GNAI3: variants seen among roughly 807,000 people sequenced by gnomAD.
GNAI3 encodes G protein subunit alpha i3, also known as guanine nucleotide-binding protein G(i) subunit alpha-3.
A neutral mutation model predicts 41.8 loss-of-function variants in GNAI3; 12 were observed. The ratio of observed to expected loss-of-function variants is 0.29; its 90% confidence interval spans 0.18 to 0.47. The LOEUF (loss-of-function observed/expected upper bound fraction) is 0.47. GNAI3 is among the 20% of genes least tolerant of loss of function. The pLI, the probability that GNAI3 is intolerant of heterozygous loss-of-function variation, is 1.00. For missense variants in GNAI3, 360 were observed against 429.6 expected (o/e 0.84, Z 1.43); for synonymous variants, 132 against 146.5 (o/e 0.90, Z 0.71).
intron 1 of GNAI3, among the ~76,000 whole-genome samples, chr1:109,572,182 C>A (rs373933793): frequency 6.7e-6 from 1 of 148,350 alleles, no homozygotes; most frequent in African/African-American, 2.5e-5. Context: ...TTGTGGCAGG[C>A]GCCTGTAATC....
At chr1:109,550,754 C>T (rs1647963616) in intron 1 of GNAI3, among the ~76,000 whole-genome samples, 2 of 152,200 alleles carry the variant, frequency 1.3e-5, no homozygotes, top group Non-Finnish European at 2.9e-5. Context: ...AGGATGGTCT[C>T]AATCTCCTGA....
chr1:109,595,209 C>G lies in GNAI3; in HGVS notation c.*2887C>G, dbSNP rs1295639463. On this transcript the variant is annotated 3_prime_UTR_variant, in exon 9 of 9. Coordinates refer to ENST00000369851, the MANE Select transcript of GNAI3 (RefSeq NM_006496.4). ...TTGGACCATCAAAGAAGCCATTAGT[C>G]TCTGTGTAAAGAAGAAGTATTCTTA... 2 of 152,280 alleles carry G rather than the reference C, an allele frequency of 1.3e-5. No individual in the cohort carries two copies. The highest frequency in any genetic ancestry group is 3.9e-4 in the East Asian group (2 of 5,184). The allele number at this position is 152,280 out of a possible 1,614,324, so 9.4% of individuals were successfully genotyped here.
intron 1 of GNAI3, among the ~76,000 whole-genome samples, chr1:109,552,495 A>G (rs544301297): frequency 6.6e-6 from 1 of 152,136 alleles, no homozygotes; most frequent in Admixed American, 6.5e-5. Flanking sequence ...GCTGGTCTCA[A>G]ATGCTTGGCC....
intron 7 of GNAI3, among the ~76,000 whole-genome samples, chr1:109,589,583 G>A (rs916960943): frequency 3.3e-5 from 5 of 152,000 alleles, no homozygotes; most frequent in Non-Finnish European, 7.4e-5. Context: ...AAGCAGGTGG[G>A]AAAAAAGGAA....
rs1649045679 is a variant in GNAI3 at position 109,586,929 on chromosome 1, A to G, written c.874+47A>G. 4.6e-6 allele frequency: 6 copies of G among 1,297,718 alleles called. No homozygotes were observed. In the South Asian group the frequency reaches 7.6e-5, roughly 16 times the overall value. 80.4% of individuals were successfully genotyped at this position (1,297,718 alleles called of 1,614,324 possible). ...TATTGGAGGTACACATCTTACTTAG[A>G]TCAACACTTTGGTGGCATTCATAAA... On this transcript the variant is annotated intron_variant, in intron 7 of 8. Transcript: ENST00000369851.
chr1:109,561,981 G>A (rs577446395), intron 1 of GNAI3, among the ~76,000 whole-genome samples: 2 of 152,240 alleles, frequency 1.3e-5, no homozygotes, highest in South Asian at 4.1e-4. Flanking sequence ...TGAAATGAAG[G>A]GTTGGTACAG....
At chr1:109,554,079 G>GGTGTGT (rs34209492) in intron 1 of GNAI3, among the ~76,000 whole-genome samples, 7 of 150,182 alleles carry the variant, frequency 4.7e-5, no homozygotes, top group Non-Finnish European at 8.9e-5. Context: ...GGTGTAGAGG[G>GGTGTGT]GTGTGTGTGT....
At chr1:109,550,066 G>C (rs1160838413) in intron 1 of GNAI3, among the ~76,000 whole-genome samples, 2 of 152,112 alleles carry the variant, frequency 1.3e-5, no homozygotes, top group Non-Finnish European at 2.9e-5. Context: ...ACCCTTACAA[G>C]CAATAGAAAT....
Position 109,598,977 on chromosome 1 carries a change from T to C in GNAI3, c.*6655T>C, listed in dbSNP as rs776318467. On this transcript the variant is annotated 3_prime_UTR_variant, in exon 9 of 9. Transcript: ENST00000369851. Reference sequence around the variant, plus strand: ...TCCACCCAGCATGGCCGGCACACTTTGGTCTACGGCACATCTCCAAGTATA... The same window carrying C: ...TCCACCCAGCATGGCCGGCACACTTCGGTCTACGGCACATCTCCAAGTATA... The C allele has an allele frequency of 1.3e-5, 7 of 534,780 alleles. No individual in the cohort carries two copies. The highest frequency in any genetic ancestry group is 2.7e-5 in the Non-Finnish European group (7 of 260,042). 33.1% of individuals were successfully genotyped at this position (534,780 alleles called of 1,614,324 possible).
intron 3 of GNAI3, among the ~76,000 whole-genome samples, chr1:109,574,539 GA>G (rs1339129138): frequency 1.3e-5 from 2 of 152,116 alleles, no homozygotes; most frequent in Non-Finnish European, 2.9e-5. Flanking sequence ...TATAGAATTG[GA>G]GTATAACATG....
intron 3 of GNAI3, among the ~76,000 whole-genome samples, chr1:109,578,588 A>T (rs1304189462): frequency 6.6e-6 from 1 of 150,816 alleles, no homozygotes; most frequent in African/African-American, 2.4e-5. Context: ...GAACATTATT[A>T]TTATTCCTTA....
At chr1:109,580,080 C>T (rs1036687842) in intron 4 of GNAI3, among the ~76,000 whole-genome samples, 5 of 152,208 alleles carry the variant, frequency 3.3e-5, no homozygotes, top group Non-Finnish European at 7.3e-5. Flanking sequence ...CCGCTCACTG[C>T]AAGCTCCACC....
Position 109,579,363 on chromosome 1 carries a change from T to C in GNAI3, c.461+2T>C. The C allele has an allele frequency of 6.2e-7, 1 of 1,605,766 alleles. No homozygotes were observed. Among genetic ancestry groups the C allele is most frequent in the Non-Finnish European group, 8.5e-7 (1 of 1,174,808 alleles). On this transcript the variant is annotated splice_donor_variant, in intron 4 of 8. Transcript: ENST00000369851. LOFTEE classifies it high-confidence loss of function. ...TCAGCTCAATGATTCTGCTTCATAG[T>C]AAGTAATTTTTCTCTGTGAAACTAT...
chr1:109,555,945 G>A (rs1161730866), intron 1 of GNAI3, among the ~76,000 whole-genome samples: 1 of 108,940 alleles, frequency 9.2e-6, no homozygotes, highest in East Asian at 3.5e-4. Flanking sequence ...TTCTCCTGGG[G>A]AAAGGAGTGC....
Position 109,597,632 on chromosome 1 carries a change from A to G in GNAI3, c.*5310A>G, listed in dbSNP as rs1649340417. Reference sequence around the variant, plus strand: ...ATTATTGAAAACTGTTGGGTCACATAACATTCCTACACTTTGGATACAGAG... The same window carrying G: ...ATTATTGAAAACTGTTGGGTCACATGACATTCCTACACTTTGGATACAGAG... On this transcript the variant is annotated 3_prime_UTR_variant, in exon 9 of 9. Coordinates refer to ENST00000369851, the MANE Select transcript of GNAI3 (RefSeq NM_006496.4). 6.6e-6 allele frequency: 1 copy of G among 152,140 alleles called. No individual in the cohort carries two copies. The highest frequency in any genetic ancestry group is 1.5e-5 in the Non-Finnish European group (1 of 68,018). 9.4% of individuals were successfully genotyped at this position (152,140 alleles called of 1,614,324 possible).
intron 7 of GNAI3, chr1:109,591,620 A>G (rs544708335): frequency 6.6e-6 from 3 of 454,138 alleles, no homozygotes; most frequent in African/African-American, 2.0e-5. Context: ...ATTTTAGTAC[A>G]TGTGCTACCA....
At chr1:109,592,298 T>C in intron 8 of GNAI3, 43 bp downstream of exon 8, 1 of 1,059,884 alleles carries the variant, frequency 9.4e-7, no homozygotes, top group Non-Finnish European at 1.4e-6. Context: ...CAGTGATGTC[T>C]CTTGGTTTTT....
At position 109,592,444 on chromosome 1, in the gene GNAI3, CTTAGCACTCT is replaced by C. The variant is rs1400436140; in HGVS notation, c.*130_*139del. 7 of 441,186 alleles carry C rather than the reference CTTAGCACTCT, an allele frequency of 1.6e-5. No individual in the cohort carries two copies. Among genetic ancestry groups the C allele is most frequent in the Non-Finnish European group, 2.9e-5 (7 of 243,322 alleles). 27.3% of individuals were successfully genotyped at this position (441,186 alleles called of 1,614,324 possible). A position where few individuals can be genotyped will look rare whatever the true frequency, so the allele number is the denominator to read the frequency against. The stretch of plus-strand genomic sequence containing the variant: ...AGGGAATGGCAGCAGCATGCAGAAT[CTTAGCACTCT>C]TTAGCACAATATTTTGTATTAGGGA... On this transcript the variant is annotated 3_prime_UTR_variant, in exon 9 of 9. Transcript: ENST00000369851.
chr1:109,560,428 GT>G (rs1557903530), intron 1 of GNAI3, among the ~76,000 whole-genome samples: 1 of 152,026 alleles, frequency 6.6e-6, no homozygotes, highest in East Asian at 1.9e-4. Context: ...TAGCTGTTGA[GT>G]CAGGCTTGCC....
Sources: gnomAD v4.1 joint callset for allele counts (sites outside exome capture counted in the v4.1 genomes callset) on GRCh38, gnomAD v4.1.1 for gene constraint, MANE v1.5 for transcripts, NCBI Gene and HGNC (gene_info 2026-07-23, HGNC 2026-07-21) for gene names.